Variants in SPIN3 observed in about 807,000 individuals in gnomAD.
SPIN3 encodes the protein spindlin family member 3, also known as spindlin-3.
For synonymous variants in SPIN3, 74 were observed against 74.3 expected, an observed-to-expected ratio of 1.00 and a Z score of 0.02; for missense variants, 176 against 196.4, an observed-to-expected ratio of 0.90 and a Z score of 0.62.
chrX:56,975,318 G>A (rs1008352083), downstream of SPIN3: 18 of 111,135 alleles, frequency 1.6e-4, no homozygotes, highest in African/African-American at 5.9e-4. Context: ...AACTGGAAGG[G>A]GGGGTGCTTT....
At chrX:56,986,225 C>T (rs951645050), downstream of SPIN3, among the ~76,000 whole-genome samples, 4 of 110,939 alleles carry the variant, frequency 3.6e-5, no homozygotes, top group African/African-American at 1.3e-4. Context: ...ATTTGTTGAA[C>T]AAATGAATGA....
intron 1 of SPIN3, 37 bp downstream of exon 1, chrX:56,995,179 C>T: frequency 2.7e-6 from 1 of 364,868 alleles, no homozygotes; most frequent in African/African-American, 2.5e-5. Context: ...AAATACGAAG[C>T]GTTTCCCCAT....
At chrX:56,975,357 T>C (rs1252816600), downstream of SPIN3, 2 of 111,898 alleles carry the variant, frequency 1.8e-5, no homozygotes, top group African/African-American at 6.5e-5. Context: ...AAAAATTTTC[T>C]GATTGGCAAC....
chrX:56,976,814 GGA>G (rs1477497235), exon 6 of SPIN3: 2 of 111,328 alleles, frequency 1.8e-5, no homozygotes, highest in African/African-American at 6.5e-5. Flanking sequence ...GTTTCACTGG[GGA>G]GAGTTTGAAA....
rs1924348023 is a variant in SPIN3 at position 56,991,892 on chromosome X, C to T, written c.*2279G>A. Reference sequence around the variant, plus strand: ...CCATATTTCCTGACATAGCTGACAACAATTATACAATGACTCCCAAAGATA... The same window carrying T: ...CCATATTTCCTGACATAGCTGACAATAATTATACAATGACTCCCAAAGATA... On this transcript the variant is annotated 3_prime_UTR_variant, in exon 2 of 2. Transcript: ENST00000374919. 1 of 272,943 alleles carries T rather than the reference C, an allele frequency of 3.7e-6. No homozygotes were observed. The highest frequency in any genetic ancestry group is 2.4e-4 in the South Asian group (1 of 4,167). 22.5% of individuals were successfully genotyped at this position (272,943 alleles called of 1,213,427 possible).
At chrX:56,990,575 A>G (rs1924308752), downstream of SPIN3, among the ~76,000 whole-genome samples, 1 of 112,265 alleles carries the variant, frequency 8.9e-6, no homozygotes, top group South Asian at 3.6e-4. Flanking sequence ...CAGCTTCAAT[A>G]TATAATTGGT....
downstream of SPIN3, chrX:56,975,246 G>T (rs1923980526): frequency 8.9e-6 from 1 of 112,199 alleles, no homozygotes; most frequent in Non-Finnish European, 1.9e-5. Context: ...CATTTTAGAA[G>T]ACATGAGACA....
intron 3 of SPIN3, among the ~76,000 whole-genome samples, chrX:56,981,226 T>C (rs1031197824): frequency 4.6e-5 from 5 of 109,638 alleles, no homozygotes; most frequent in African/African-American, 1.7e-4. Flanking sequence ...CCAGGCATGT[T>C]GGTGGCTGGC....
chrX:56,986,140 A>G (rs1924216851), downstream of SPIN3, among the ~76,000 whole-genome samples: 1 of 111,632 alleles, frequency 9.0e-6, no homozygotes, highest in African/African-American at 3.3e-5. Context: ...GAGAACAGGC[A>G]TCACTGAATG....
downstream of SPIN3, among the ~76,000 whole-genome samples, chrX:56,985,986 T>C (rs1427088351): frequency 1.8e-5 from 2 of 111,776 alleles, no homozygotes; most frequent in Non-Finnish European, 3.8e-5. Flanking sequence ...CTATTTACCA[T>C]GGTGACCTAC....
downstream of SPIN3, among the ~76,000 whole-genome samples, chrX:56,989,090 C>G (rs1432231239): frequency 9.0e-6 from 1 of 111,726 alleles, no homozygotes; most frequent in Non-Finnish European, 1.9e-5. Context: ...TTCCTATTTC[C>G]TCCCTTTTTC....
downstream of SPIN3, among the ~76,000 whole-genome samples, chrX:56,988,572 T>C (rs1924267734): frequency 9.0e-6 from 1 of 111,343 alleles, no homozygotes; most frequent in African/African-American, 3.3e-5. Flanking sequence ...TATTTAACAA[T>C]CACTCCAGGT....
At chrX:56,977,059 G>A (rs1012561516) in exon 6 of SPIN3, 1 of 111,456 alleles carries the variant, frequency 9.0e-6, no homozygotes, top group Non-Finnish European at 1.9e-5. Flanking sequence ...TCAGAGAATT[G>A]TACACCTCCT....
At chrX:56,975,258 C>T (rs1923980971), downstream of SPIN3, 1 of 111,989 alleles carries the variant, frequency 8.9e-6, no homozygotes, top group Non-Finnish European at 1.9e-5. Context: ...CATGAGACAT[C>T]ATTTAAATAC....
intron 3 of SPIN3, chrX:56,980,566 ATC>A (rs1212598528): frequency 1.0e-5 from 1 of 96,138 alleles, no homozygotes; most frequent in African/African-American, 3.8e-5. Flanking sequence ...CTAAAAATGT[ATC>A]TCTCTTTTTT....
chrX:56,979,265 T>C (rs1038724893), intron 3 of SPIN3: 3 of 110,983 alleles, frequency 2.7e-5, no homozygotes, highest in Non-Finnish European at 5.7e-5. Flanking sequence ...TGAGTCTGCA[T>C]TGGTTACCAA....
chrX:56,992,402 A>G lies in SPIN3; in HGVS notation c.*1769T>C, dbSNP rs139730720. On this transcript the variant is annotated 3_prime_UTR_variant, in exon 2 of 2. Transcript: ENST00000374919. Reference sequence around the variant, plus strand: ...AATATATGACCCCAGGACTTAGAACATAGGGCAATACAGACCCACATTGCT... The same window carrying G: ...AATATATGACCCCAGGACTTAGAACGTAGGGCAATACAGACCCACATTGCT... The G allele has an allele frequency of 6.8e-4, 202 of 295,746 alleles. 1 individual carries two copies. The highest frequency in any genetic ancestry group is 9.1e-4 in the East Asian group (19 of 20,993). 24.4% of individuals were successfully genotyped at this position (295,746 alleles called of 1,213,427 possible).
At position 56,994,768 on chromosome X, in the gene SPIN3, A is replaced by G. The variant is rs1360587987; in HGVS notation, c.180T>C (p.Asp60=). The G allele has an allele frequency of 8.3e-7, 1 of 1,210,142 alleles. No individual in the cohort carries two copies. Among genetic ancestry groups the G allele is most frequent in the Non-Finnish European group, 1.1e-6 (1 of 895,294 alleles). ...VGCRIQHGWK[D]GDEPLTQWKG... The stretch of plus-strand genomic sequence containing the variant: ...TCCACTGTGTTAGAGGTTCATCTCC[A>G]TCTTTCCATCCGTGCTGAATTCTGC... Residue 60 remains aspartate, a synonymous_variant, in exon 2 of 2, where the codon GAT becomes GAC. Coordinates refer to ENST00000374919, the MANE Select transcript of SPIN3 (RefSeq NM_001010862.3).
chrX:56,989,491 ATAT>A (rs1924286256), downstream of SPIN3, among the ~76,000 whole-genome samples: 1 of 111,334 alleles, frequency 9.0e-6, no homozygotes, highest in Admixed American at 9.6e-5. Flanking sequence ...TTTCAGAGAG[ATAT>A]ACCCTAGTGC....
Sources: allele counts gnomAD v4.1 joint callset (sites outside exome capture counted in the v4.1 genomes callset), GRCh38; gene constraint gnomAD v4.1.1; transcripts MANE v1.5; gene names NCBI Gene and HGNC (gene_info 2026-07-23, HGNC 2026-07-21).